The following DCP1B variants were observed in gnomAD, a reference collection of about 807,000 sequenced individuals.
DCP1B encodes the protein decapping mRNA 1B.
Under a neutral mutation model 60.5 loss-of-function variants are expected in DCP1B, and 47 were observed. That is an observed-to-expected ratio of 0.78 (90% CI 0.61 to 0.99). The LOEUF (loss-of-function observed/expected upper bound fraction) is 0.99, where lower values mean the gene tolerates loss of function less well. Ranked by LOEUF, DCP1B falls within the 50% of genes least tolerant of loss-of-function variation. DCP1B has a pLI of 0.00. For synonymous variants in DCP1B, 267 were observed against 280.3 expected (o/e 0.95, Z 0.47); for missense variants, 725 against 756.8 (o/e 0.96, Z 0.49).
At chr12:1,983,522 G>A (rs886431351) in intron 3 of DCP1B, among the ~76,000 whole-genome samples, 38 of 151,630 alleles carry the variant, frequency 2.5e-4, no homozygotes, top group African/African-American at 9.0e-4. Flanking sequence ...CAAATATTTG[G>A]GGATATTCCA....
Position 1,948,039 on chromosome 12 carries a change from A to G in DCP1B, c.1773+1047T>C, listed in dbSNP as rs2030504466. 6.6e-6 allele frequency among the ~76,000 whole-genome samples: 1 copy of G among 152,216 alleles called. No homozygotes were observed. The highest frequency in any genetic ancestry group is 6.5e-5 in the Admixed American group (1 of 15,284). ...TTTAAGTAGGATAAGACAACCGCAGAAGGGCTGGCCTGCTCTCTAAAGGCC... is the reference window on the plus strand; with the variant it reads ...TTTAAGTAGGATAAGACAACCGCAGGAGGGCTGGCCTGCTCTCTAAAGGCC... On this transcript the variant is annotated intron_variant, in intron 8 of 8. Coordinates refer to ENST00000280665, the MANE Select transcript of DCP1B (RefSeq NM_152640.5). This position sits in a 1 kb window ranked among gnomAD's most constrained non-coding sequence, Gnocchi z 4.8.
intron 7 of DCP1B, among the ~76,000 whole-genome samples, chr12:1,950,569 TA>T (rs1403277538): frequency 2.0e-5 from 3 of 152,182 alleles, no homozygotes; most frequent in African/African-American, 7.2e-5. Context: ...GGGATGTTAA[TA>T]AATAATAAAT....
At chr12:1,950,332 G>A in intron 7 of DCP1B, 1 of 702,418 alleles carries the variant, frequency 1.4e-6, no homozygotes, top group South Asian at 1.5e-5. Context: ...AGCGTGGGCT[G>A]CTGAAATGCT....
chr12:1,943,803 G>A (rs2030337848), downstream of DCP1B, among the ~76,000 whole-genome samples: 1 of 152,100 alleles, frequency 6.6e-6, no homozygotes, highest in South Asian at 2.1e-4. Context: ...AATAATAAGA[G>A]CTATTTATGA....
chr12:1,945,656 G>C (rs565544951), downstream of DCP1B, among the ~76,000 whole-genome samples: 2 of 152,298 alleles, frequency 1.3e-5, no homozygotes, highest in South Asian at 4.1e-4. Context: ...TGATAGACTG[G>C]ATAAAGAAAA....
intron 7 of DCP1B, among the ~76,000 whole-genome samples, chr12:1,949,771 C>G (rs370558228): frequency 6.6e-6 from 1 of 152,210 alleles, no homozygotes; most frequent in Admixed American, 6.5e-5. Flanking sequence ...AGCAACTCCC[C>G]GCCCCTCCTG....
chr12:1,959,975 A>T (rs1592786812), intron 5 of DCP1B, among the ~76,000 whole-genome samples: 1 of 151,714 alleles, frequency 6.6e-6, no homozygotes, highest in African/African-American at 2.4e-5. Flanking sequence ...AAAAAAAAAA[A>T]ATTTATGTTG....
At chr12:1,967,967 A>G (rs2031408035) in intron 3 of DCP1B, 57 bp from the exon 4 acceptor site, 1 of 1,397,778 alleles carries the variant, frequency 7.2e-7, no homozygotes, top group Non-Finnish European at 9.9e-7. Flanking sequence ...CAAAATAGAA[A>G]AAAATCTCCT....
In DCP1B at chr12:2,004,453, G is replaced by C; in HGVS notation, c.-22C>G. 17 of 1,594,810 alleles carry C rather than the reference G, an allele frequency of 1.1e-5. No individual in the cohort carries two copies. Among genetic ancestry groups the C allele is most frequent in the Non-Finnish European group, 1.5e-5 (17 of 1,170,890 alleles). On this transcript the variant is annotated 5_prime_UTR_variant, in exon 1 of 9. Coordinates refer to ENST00000280665, the MANE Select transcript of DCP1B (RefSeq NM_152640.5). Reference sequence around the variant, plus strand: ...CCATCTTCCCTCCCTCCCAGACATAGGCACGGGGCTCTTGGAAGCCACTCT... The same window carrying C: ...CCATCTTCCCTCCCTCCCAGACATACGCACGGGGCTCTTGGAAGCCACTCT...
In DCP1B at chr12:1,947,506, A is replaced by C. The variant is rs574780731; in HGVS notation, c.1774-1220T>G. ...ACGGGAAGAAGTAAAATGCACGCAGAGTGGAGGGCAGGGGAATGTAATTTC... is the reference window on the plus strand; with the variant it reads ...ACGGGAAGAAGTAAAATGCACGCAGCGTGGAGGGCAGGGGAATGTAATTTC... On this transcript the variant is annotated intron_variant, in intron 8 of 8. Transcript: ENST00000280665. 2.0e-5 allele frequency among the ~76,000 whole-genome samples: 3 copies of C among 152,306 alleles called. No homozygotes were observed. In the South Asian group the frequency reaches 6.2e-4, roughly 32 times the overall value.
At position 1,962,637 on chromosome 12, in the gene DCP1B, A is replaced by G. The variant is rs745486161; in HGVS notation, c.522+2921T>C. Among the ~76,000 whole-genome samples, 1 of 151,970 alleles carries G rather than the reference A, an allele frequency of 6.6e-6. No individual in the cohort carries two copies. Among genetic ancestry groups the G allele is most frequent in the Non-Finnish European group, 1.5e-5 (1 of 67,982 alleles). On this transcript the variant is annotated intron_variant, in intron 5 of 8. Coordinates refer to ENST00000280665, the MANE Select transcript of DCP1B (RefSeq NM_152640.5). The surrounding 1 kb of genome is among the most constrained non-coding windows in gnomAD (Gnocchi z 4.4). ...TTCAACTAGTTGCCAAGTCATCATA[A>G]TTTTTTTTAATGACTTTTGAAGAAT...
Position 1,952,746 on chromosome 12 carries a change from C to T in DCP1B, c.1194G>A (p.Lys398=). ...PTSVTPVAPG[K]GLAQPPQAYF... Reference sequence around the variant, plus strand: ...AGGCCTGTGGTGGCTGAGCCAGACCCTTTCCTGGAGCCACAGGGGTGACAG... The same window carrying T: ...AGGCCTGTGGTGGCTGAGCCAGACCTTTTCCTGGAGCCACAGGGGTGACAG... The change falls in exon 7 of 9, where the codon AAG becomes AAA. Residue 398 remains lysine (K), a synonymous_variant. Transcript: ENST00000280665. 1 of 1,614,204 alleles carries T rather than the reference C, an allele frequency of 6.2e-7. No homozygotes were observed. Among genetic ancestry groups the T allele is most frequent in the South Asian group, 1.1e-5 (1 of 91,090 alleles).
intron 3 of DCP1B, among the ~76,000 whole-genome samples, chr12:1,983,579 A>C (rs1222429746): frequency 3.9e-5 from 6 of 152,084 alleles, no homozygotes; most frequent in Admixed American, 2.0e-4. Flanking sequence ...TTGTGGTCCC[A>C]AGAATATACT....
chr12:1,985,744 C>G (rs2037506099), intron 3 of DCP1B, among the ~76,000 whole-genome samples: 1 of 152,186 alleles, frequency 6.6e-6, no homozygotes. Flanking sequence ...GCAATCAATT[C>G]AGTTAGGTTT....
rs1246213835 is a variant in DCP1B at position 1,971,555 on chromosome 12, A to T, written c.320-3645T>A. Reference sequence around the variant, plus strand: ...CATGTCTGGATTTTTTAGGTCCACAAAGACAAGGCAGAGAGCAAGCTGATT... The same window carrying T: ...CATGTCTGGATTTTTTAGGTCCACATAGACAAGGCAGAGAGCAAGCTGATT... On this transcript the variant is annotated intron_variant, in intron 3 of 8. Transcript: ENST00000280665. The surrounding 1 kb of genome is among the most constrained non-coding windows in gnomAD (Gnocchi z 4.2). 6.6e-6 allele frequency among the ~76,000 whole-genome samples: 1 copy of T among 152,226 alleles called. No homozygotes were observed. The highest frequency in any genetic ancestry group is 6.5e-5 in the Admixed American group (1 of 15,282).
At chr12:1,965,139 G>A (rs2031250392) in intron 5 of DCP1B, among the ~76,000 whole-genome samples, 1 of 152,080 alleles carries the variant, frequency 6.6e-6, no homozygotes, top group Admixed American at 6.6e-5. Flanking sequence ...CCATTTGTTT[G>A]AGTCTATTTT....
chr12:1,960,825 C>CTT (rs2031095930), intron 5 of DCP1B, among the ~76,000 whole-genome samples: 1 of 152,194 alleles, frequency 6.6e-6, no homozygotes, highest in Admixed American at 6.5e-5. Context: ...TTCTTGAACA[C>CTT]TTTAAGTAAC....
In DCP1B at chr12:1,993,386, G is replaced by A. The variant is rs781574387; in HGVS notation, c.197C>T (p.Ala66Val). ...EGTLFVYTRS[A>V]SPKHGFTIMN... ...AATGGTGAATCCATGCTTTGGAGAA[G>A]CAGACCTAAAAATCACAAGGAGTCA... The change falls in exon 3 of 9, where the codon GCT (alanine) becomes GTT (valine). Residue 66 changes from alanine to valine, a missense_variant. Physicochemically the swap from Ala to Val is moderately conservative, Grantham distance 64 (BLOSUM62 0). Coordinates refer to ENST00000280665, the MANE Select transcript of DCP1B (RefSeq NM_152640.5). 2.5e-6 allele frequency: 4 copies of A among 1,609,908 alleles called. No homozygotes were observed. The highest frequency in any genetic ancestry group is 3.4e-5 in the Admixed American group (2 of 59,680).
At chr12:1,986,593 T>C (rs530985070) in intron 3 of DCP1B, among the ~76,000 whole-genome samples, 5 of 151,594 alleles carry the variant, frequency 3.3e-5, no homozygotes, top group Admixed American at 1.3e-4. Flanking sequence ...ACGGTAGGGG[T>C]AGAAGAGTAA....
Sources: allele counts gnomAD v4.1 joint callset (sites outside exome capture counted in the v4.1 genomes callset), GRCh38; gene constraint gnomAD v4.1.1; non-coding constraint Gnocchi (gnomAD v3.1); transcripts MANE v1.5; gene names NCBI Gene and HGNC (gene_info 2026-07-23, HGNC 2026-07-21).